The following DAPK2 variants were observed in gnomAD, a reference collection of about 807,000 sequenced individuals.
DAPK2 encodes the protein death associated protein kinase 2.
In DAPK2, 35 loss-of-function variants were observed where a neutral mutation model predicts 44.1. The observed-to-expected ratio is 0.79, with a 90% CI of 0.61 to 1.05. DAPK2 has a LOEUF of 1.05. DAPK2 is among the 50% of genes least tolerant of loss of function. DAPK2 has a pLI of 0.00. For synonymous variants in DAPK2, 174 were observed against 182.6 expected, an observed-to-expected ratio of 0.95 and a Z score of 0.38; for missense variants, 453 against 483.2, an observed-to-expected ratio of 0.94 and a Z score of 0.59.
intron 3 of DAPK2, among the ~76,000 whole-genome samples, chr15:63,953,615 C>T (rs2140550344): frequency 6.6e-6 from 1 of 152,304 alleles, no homozygotes; most frequent in South Asian, 2.1e-4. Flanking sequence ...ATACTAATTT[C>T]CTTTCTTGTG....
At chr15:64,045,972 T>C (rs935970761) in intron 1 of DAPK2, among the ~76,000 whole-genome samples, 1 of 152,230 alleles carries the variant, frequency 6.6e-6, no homozygotes, top group Admixed American at 6.5e-5. Flanking sequence ...GGGCGTGCTC[T>C]GCCCGTTCCA....
upstream of DAPK2, among the ~76,000 whole-genome samples, chr15:64,042,804 T>G (rs772290760): frequency 6.6e-6 from 1 of 152,214 alleles, no homozygotes; most frequent in Non-Finnish European, 1.5e-5. The surrounding 1 kb of genome is among the most constrained non-coding windows in gnomAD (Gnocchi z 4.7). Flanking sequence ...GAGGCCCAGC[T>G]GGAAAGCCCT....
At chr15:63,958,855 A>G (rs1259405684) in intron 3 of DAPK2, among the ~76,000 whole-genome samples, 3 of 152,208 alleles carry the variant, frequency 2.0e-5, no homozygotes, top group South Asian at 2.1e-4. Flanking sequence ...TTGGTTCCAT[A>G]TGAACTTTAA....
chr15:64,004,498 C>G (rs1302714776), intron 1 of DAPK2, among the ~76,000 whole-genome samples: 1 of 152,182 alleles, frequency 6.6e-6, no homozygotes, highest in African/African-American at 2.4e-5. Flanking sequence ...ATGCTGATAC[C>G]TTTGCCTGGA....
At chr15:64,018,573 C>T (rs955538526) in intron 1 of DAPK2, among the ~76,000 whole-genome samples, 17 of 152,180 alleles carry the variant, frequency 1.1e-4, no homozygotes, top group African/African-American at 3.9e-4. Context: ...TGGAAATGGC[C>T]ACCTGTCCCG....
intron 4 of DAPK2, among the ~76,000 whole-genome samples, chr15:63,933,739 C>A (rs1239104647): frequency 1.3e-5 from 2 of 151,876 alleles, no homozygotes; most frequent in East Asian, 3.9e-4. Context: ...GCTGGGACCA[C>A]AGGCATGTGC....
chr15:63,915,288 C>T (rs1330191943), intron 8 of DAPK2, among the ~76,000 whole-genome samples: 3 of 152,160 alleles, frequency 2.0e-5, no homozygotes, highest in African/African-American at 7.2e-5. Context: ...AGTCCTCTCT[C>T]CCTTGCACCT....
At chr15:63,996,369 G>A (rs915469661) in intron 1 of DAPK2, among the ~76,000 whole-genome samples, 8 of 152,182 alleles carry the variant, frequency 5.3e-5, no homozygotes, top group African/African-American at 1.9e-4. Context: ...TTTCAGCTTA[G>A]GAACAAGAGA....
intron 3 of DAPK2, among the ~76,000 whole-genome samples, chr15:63,956,287 T>C (rs2077720666): frequency 6.6e-6 from 1 of 152,172 alleles, no homozygotes; most frequent in African/African-American, 2.4e-5. Flanking sequence ...ATTTCACTTT[T>C]ATTTATCTCT....
chr15:63,957,983 A>G (rs1347027811), intron 3 of DAPK2, among the ~76,000 whole-genome samples: 3 of 152,186 alleles, frequency 2.0e-5, no homozygotes, highest in Non-Finnish European at 4.4e-5. Context: ...ACGGTGTAAA[A>G]GCATTCCTGT....
At chr15:63,926,487 T>G (rs907852790) in intron 6 of DAPK2, among the ~76,000 whole-genome samples, 1 of 151,974 alleles carries the variant, frequency 6.6e-6, no homozygotes, top group African/African-American at 2.4e-5. Flanking sequence ...ATCATTTGTG[T>G]CTTGAAGAAT....
intron 1 of DAPK2, among the ~76,000 whole-genome samples, chr15:64,027,406 A>T (rs148150976): frequency 1.3e-5 from 2 of 151,668 alleles, no homozygotes; most frequent in African/African-American, 4.8e-5. Flanking sequence ...CAAAACAAAA[A>T]AAAAACCCCA....
intron 3 of DAPK2, among the ~76,000 whole-genome samples, chr15:63,955,209 G>T (rs1254544144): frequency 6.6e-6 from 1 of 152,142 alleles, no homozygotes; most frequent in East Asian, 1.9e-4. Context: ...GGTGAAAGTG[G>T]GCATCCTTGT....
intron 3 of DAPK2, among the ~76,000 whole-genome samples, chr15:63,952,585 T>C (rs2077620167): frequency 6.6e-6 from 1 of 152,006 alleles, no homozygotes; most frequent in South Asian, 2.1e-4. Context: ...GTGGGTTCAT[T>C]CACCCTATGG....
chr15:63,976,442 G>A (rs961316447), intron 2 of DAPK2, among the ~76,000 whole-genome samples: 2 of 152,078 alleles, frequency 1.3e-5, no homozygotes, highest in Non-Finnish European at 2.9e-5. Context: ...ATGTGGGCTG[G>A]GCACAGTGGC....
chr15:64,003,628 C>T (rs2079153956), intron 1 of DAPK2, among the ~76,000 whole-genome samples: 1 of 152,094 alleles, frequency 6.6e-6, no homozygotes, highest in Non-Finnish European at 1.5e-5. Flanking sequence ...TTCCTTCTGA[C>T]AGAGTCTTGC....
chr15:63,925,872 C>G, intron 7 of DAPK2, 69 bp downstream of exon 8: 1 of 1,594,242 alleles, frequency 6.3e-7, no homozygotes, highest in Non-Finnish European at 8.6e-7. Context: ...GACATACTGA[C>G]AGGTCTTTGA....
intron 8 of DAPK2, among the ~76,000 whole-genome samples, chr15:63,915,317 G>A (rs75670394): frequency 0.028 from 4,276 of 152,224 alleles, 89 homozygotes; most frequent in African/African-American, 0.061. Flanking sequence ...CTAGAATCTC[G>A]TTTCCAAGGT....
In DAPK2 at chr15:64,046,315, C is replaced by CCGCGGT. The variant is rs1231204168; in HGVS notation, c.-30_-25dup. On this transcript the variant is annotated 5_prime_UTR_variant, in exon 1 of 12. Coordinates refer to the DAPK2 transcript ENST00000457488. The surrounding 1 kb of genome is among the most constrained non-coding windows in gnomAD (Gnocchi z 5.3). Reference sequence around the variant, plus strand: ...CTACTCACGGCGGGAGGCTGAGCTGCCGCGGTCGCGGCCGCGGCAGGCGCG... The same window carrying CCGCGGT: ...CTACTCACGGCGGGAGGCTGAGCTGCCGCGGTCGCGGTCGCGGCCGCGGCAGGCGCG... 3 of 979,516 alleles carry CCGCGGT rather than the reference C, an allele frequency of 3.1e-6. No homozygotes were observed. Among genetic ancestry groups the CCGCGGT allele is most frequent in the Admixed American group, 1.3e-4 (2 of 16,000 alleles). The allele number at this position is 979,516 out of a possible 1,614,324, so 60.7% of individuals were successfully genotyped here.
Sources: allele counts gnomAD v4.1 joint callset (sites outside exome capture counted in the v4.1 genomes callset), GRCh38; gene constraint gnomAD v4.1.1; non-coding constraint Gnocchi (gnomAD v3.1); transcripts MANE v1.5; gene names NCBI Gene and HGNC (gene_info 2026-07-23, HGNC 2026-07-21).